The following RASEF variants were observed in gnomAD, a reference collection of about 807,000 sequenced individuals.
RASEF encodes RAS and EF-hand domain containing.
RASEF carries 68 observed loss-of-function variants against 90.1 expected under a neutral mutation model. The observed-to-expected ratio is 0.75, with a 90% CI of 0.62 to 0.92. RASEF has a LOEUF of 0.92. RASEF is among the 40% of genes least tolerant of loss of function. The probability of loss-of-function intolerance (pLI) is 0.00; values close to 1 mark genes in which losing one functional copy is unlikely to be tolerated. For missense variants in RASEF, 949 were observed against 937.2 expected, an observed-to-expected ratio of 1.01 and a Z score of -0.16; for synonymous variants, 331 against 345.2, an observed-to-expected ratio of 0.96 and a Z score of 0.46.
chr9:83,087,992 C>A, the RASEF span, among the ~76,000 whole-genome samples: 1 of 152,062 alleles, frequency 6.6e-6, no homozygotes, highest in South Asian at 2.1e-4. Context: ...ATTGTGATTT[C>A]TCCTTTGACC....
chr9:83,211,473 A>G, the RASEF span, among the ~76,000 whole-genome samples: 1 of 152,146 alleles, frequency 6.6e-6, no homozygotes, highest in Non-Finnish European at 1.5e-5. Context: ...ACTGTAGCAA[A>G]GTCAAAGAAC....
chr9:83,034,213 T>G (rs1035757533), intron 1 of RASEF, among the ~76,000 whole-genome samples: 1 of 152,212 alleles, frequency 6.6e-6, no homozygotes, highest in African/African-American at 2.4e-5. Flanking sequence ...AGAATGGCTA[T>G]CCAGCTCTCC....
At chr9:83,075,194 CA>C in the RASEF span, among the ~76,000 whole-genome samples, 1 of 152,166 alleles carries the variant, frequency 6.6e-6, no homozygotes, top group Non-Finnish European at 1.5e-5. Context: ...TACCTTCCAG[CA>C]AATTCCAACT....
chr9:83,071,836 G>C, the RASEF span, among the ~76,000 whole-genome samples: 4 of 152,160 alleles, frequency 2.6e-5, no homozygotes, highest in Non-Finnish European at 5.9e-5. Flanking sequence ...TATTGCCTCA[G>C]GGTTTTAAGG....
At chr9:83,025,126 A>T (rs1406486977) in intron 2 of RASEF, among the ~76,000 whole-genome samples, 1 of 152,210 alleles carries the variant, frequency 6.6e-6, no homozygotes, top group Admixed American at 6.5e-5. Flanking sequence ...AGCTGTTAAC[A>T]CCAAAAAGAT....
chr9:83,008,716 T>C (rs993634795), intron 6 of RASEF, among the ~76,000 whole-genome samples: 1 of 151,864 alleles, frequency 6.6e-6, no homozygotes, highest in Non-Finnish European at 1.5e-5. Flanking sequence ...CATCACCTCT[T>C]CAATACAGTT....
the RASEF span, among the ~76,000 whole-genome samples, chr9:83,097,487 T>A: frequency 2.6e-5 from 4 of 151,982 alleles, no homozygotes; most frequent in Admixed American, 6.6e-5. Context: ...TGGGAGAAAA[T>A]TTTTGCAATC....
chr9:82,993,100 C>G (rs1239903661), intron 14 of RASEF, 75 bp from the exon 15 acceptor site: 2 of 1,477,604 alleles, frequency 1.4e-6, no homozygotes, highest in Non-Finnish European at 1.8e-6. Flanking sequence ...ACAACAGCAA[C>G]AGCAATTACC....
At chr9:83,067,975 T>C (rs1168384640), upstream of RASEF, among the ~76,000 whole-genome samples, 1 of 152,114 alleles carries the variant, frequency 6.6e-6, no homozygotes, top group African/African-American at 2.4e-5. Context: ...TCCCTGGACT[T>C]AGGTGATCCT....
the RASEF span, among the ~76,000 whole-genome samples, chr9:83,089,892 TGATAGATAGATA>T: frequency 0.021 from 3,113 of 145,044 alleles, 35 homozygotes; most frequent in Middle Eastern, 0.063. Flanking sequence ...TATAGATAGA[TGATAGATAGATA>T]GATAGATAGA....
chr9:83,176,567 A>G, the RASEF span, among the ~76,000 whole-genome samples: 443 of 152,168 alleles, frequency 2.9e-3, 3 homozygotes, highest in African/African-American at 9.6e-3. Flanking sequence ...TTTATTTTCT[A>G]AAGTAACATT....
upstream of RASEF, among the ~76,000 whole-genome samples, chr9:83,066,679 A>G (rs1830284257): frequency 6.6e-6 from 1 of 152,216 alleles, no homozygotes; most frequent in African/African-American, 2.4e-5. Context: ...AATCAGAGAT[A>G]ATCTTGTTAG....
the RASEF span, among the ~76,000 whole-genome samples, chr9:83,082,780 T>C: frequency 0.021 from 3,145 of 152,246 alleles, 89 homozygotes; most frequent in African/African-American, 0.071. Flanking sequence ...ATATAAAAGT[T>C]TATTGGACTC....
the RASEF span, among the ~76,000 whole-genome samples, chr9:83,112,687 C>CAAAA: frequency 0.035 from 4,078 of 115,196 alleles, 190 homozygotes; most frequent in African/African-American, 0.12. Context: ...AACTCGGTCT[C>CAAAA]AAAAAAAAAA....
intron 1 of RASEF, among the ~76,000 whole-genome samples, chr9:83,056,901 A>G (rs1313265200): frequency 6.6e-6 from 1 of 152,250 alleles, no homozygotes; most frequent in Non-Finnish European, 1.5e-5. Context: ...ACAGCAGGCC[A>G]CTGCTCAGAT....
intron 1 of RASEF, among the ~76,000 whole-genome samples, chr9:83,035,177 C>T (rs1423251160): frequency 1.3e-5 from 2 of 152,178 alleles, no homozygotes; most frequent in East Asian, 1.9e-4. Context: ...TACATAATAT[C>T]TTTTCTGTGA....
the RASEF span, among the ~76,000 whole-genome samples, chr9:83,079,259 C>T: frequency 4.6e-5 from 7 of 152,112 alleles, no homozygotes; most frequent in Non-Finnish European, 8.8e-5. Context: ...CAGCTTTAAT[C>T]TTCTGCATAT....
the RASEF span, among the ~76,000 whole-genome samples, chr9:83,077,693 T>C: frequency 3.3e-5 from 5 of 152,228 alleles, no homozygotes; most frequent in Non-Finnish European, 7.3e-5. Flanking sequence ...ATCATCATCA[T>C]GTGTATTTAA....
intron 3 of RASEF, among the ~76,000 whole-genome samples, chr9:83,016,365 T>C (rs1292873830): frequency 1.3e-5 from 2 of 151,852 alleles, no homozygotes; most frequent in Non-Finnish European, 2.9e-5. Context: ...GCAAAGTGCC[T>C]CCCTGTGGCC....
Sources: allele counts gnomAD v4.1 joint callset (sites outside exome capture counted in the v4.1 genomes callset), GRCh38; gene constraint gnomAD v4.1.1; transcripts MANE v1.5; gene names NCBI Gene and HGNC (gene_info 2026-07-23, HGNC 2026-07-21).